The following ROBO2 variants were observed in gnomAD, a reference collection of about 807,000 sequenced individuals.
The protein encoded by ROBO2 is roundabout homolog 2.
Under a neutral mutation model 160.8 loss-of-function variants are expected in ROBO2, and 53 were observed. The observed-to-expected ratio is 0.33, with a 90% CI of 0.26 to 0.41. The LOEUF (loss-of-function observed/expected upper bound fraction) is 0.41, where lower values mean the gene tolerates loss of function less well. Among genes scored for constraint, ROBO2 ranks in the 10% least tolerant of loss-of-function variants. The pLI, the probability that ROBO2 is intolerant of heterozygous loss-of-function variation, is 1.00. For missense variants in ROBO2, 1,577 were observed against 1,722.4 expected (o/e 0.92, Z 1.49); for synonymous variants, 664 against 611.7 (o/e 1.09, Z -1.26).
At chr3:76,954,014 T>C (rs1248451999) in intron 2 of ROBO2, among the ~76,000 whole-genome samples, 1 of 152,230 alleles carries the variant, frequency 6.6e-6, no homozygotes, top group East Asian at 1.9e-4. Context: ...TGCAGTTACA[T>C]GTGCTGAGTG....
intron 2 of ROBO2, among the ~76,000 whole-genome samples, chr3:76,798,122 G>GAAGA (rs757714332): frequency 1.2e-4 from 10 of 85,112 alleles, no homozygotes; most frequent in African/African-American, 3.8e-4. Context: ...AGAAGAGAAA[G>GAAGA]AAGAAAGAAA....
rs1045414112 is a variant in ROBO2 at position 77,272,416 on chromosome 3, C to T, written c.388+174076C>T. 7.3e-4 allele frequency among the ~76,000 whole-genome samples: 110 copies of T among 151,460 alleles called. 1 individual carries two copies. Among genetic ancestry groups the T allele is most frequent in the Admixed American group, 6.9e-3 (104 of 15,164 alleles). ...GGCAGGAGCAGGAGGAAGAGAAGGGCGGGGGGGAGGTGTCACACCCTTTTA... is the reference window on the plus strand; with the variant it reads ...GGCAGGAGCAGGAGGAAGAGAAGGGTGGGGGGGAGGTGTCACACCCTTTTA... On this transcript the variant is annotated intron_variant, in intron 2 of 25. Transcript: ENST00000461745.
At chr3:76,511,608 A>C (rs2081094279) in intron 2 of ROBO2, among the ~76,000 whole-genome samples, 1 of 152,218 alleles carries the variant, frequency 6.6e-6, no homozygotes, top group African/African-American at 2.4e-5. Flanking sequence ...TGAGTGTGGG[A>C]GGTTTTCAAA....
At chr3:76,289,879 T>C (rs1708718642) in intron 2 of ROBO2, among the ~76,000 whole-genome samples, 1 of 152,174 alleles carries the variant, frequency 6.6e-6, no homozygotes, top group South Asian at 2.1e-4. Flanking sequence ...TACTATGCTG[T>C]TTTGGTTACT....
intron 2 of ROBO2, among the ~76,000 whole-genome samples, chr3:76,811,391 A>G (rs1039652556): frequency 3.3e-5 from 5 of 152,190 alleles, no homozygotes; most frequent in Admixed American, 3.3e-4. Context: ...ATACCTTAAA[A>G]GGATGAAATT....
chr3:76,312,764 T>C (rs2071688978), intron 2 of ROBO2, among the ~76,000 whole-genome samples: 1 of 152,204 alleles, frequency 6.6e-6, no homozygotes, highest in Non-Finnish European at 1.5e-5. Context: ...CTATAGCATG[T>C]CAAAGTTTAA....
intron 2 of ROBO2, among the ~76,000 whole-genome samples, chr3:76,471,228 C>G (rs987200514): frequency 2.0e-5 from 3 of 152,102 alleles, no homozygotes; most frequent in Non-Finnish European, 4.4e-5. Context: ...TGGCAGGTAA[C>G]AGGGCAAGAA....
intron 2 of ROBO2, among the ~76,000 whole-genome samples, chr3:76,678,130 C>A (rs1374296142): frequency 3.3e-5 from 5 of 151,472 alleles, no homozygotes; most frequent in African/African-American, 1.2e-4. Flanking sequence ...ACCACCACGC[C>A]CGGCTAATTT....
chr3:76,077,106 G>A (rs1297612467), intron 2 of ROBO2, among the ~76,000 whole-genome samples: 6 of 151,980 alleles, frequency 3.9e-5, no homozygotes, highest in Non-Finnish European at 7.4e-5. Context: ...ATTTTCACTC[G>A]TACACAATAA....
exon 7 of ROBO2, chr3:77,546,371 A>G: frequency 6.2e-7 from 1 of 1,613,300 alleles, no homozygotes; most frequent in Non-Finnish European, 8.5e-7. Flanking sequence ...CCAAGAGATC[A>G]GATTGTTGCT....
intron 2 of ROBO2, among the ~76,000 whole-genome samples, chr3:76,088,569 G>A (rs1044752317): frequency 1.3e-5 from 2 of 151,964 alleles, no homozygotes; most frequent in Non-Finnish European, 2.9e-5. Context: ...AAGATAGCTG[G>A]AAAAATCCCA....
intron 2 of ROBO2, among the ~76,000 whole-genome samples, chr3:76,484,023 C>T (rs1371822718): frequency 2.6e-5 from 4 of 152,078 alleles, no homozygotes; most frequent in East Asian, 3.9e-4. Flanking sequence ...TGGCAAAGAA[C>T]GTACACATGC....
chr3:77,190,978 C>T (rs2081786781), intron 2 of ROBO2, among the ~76,000 whole-genome samples: 1 of 151,970 alleles, frequency 6.6e-6, no homozygotes, highest in Non-Finnish European at 1.5e-5. Context: ...TAAATAGGTG[C>T]TCCTGGAAAT....
At chr3:77,543,276 T>A (rs2092558422) in intron 6 of ROBO2, among the ~76,000 whole-genome samples, 2 of 152,234 alleles carry the variant, frequency 1.3e-5, no homozygotes, top group Admixed American at 6.5e-5. Flanking sequence ...TGTATTTATT[T>A]ATATATTTAC....
At chr3:76,939,087 G>T (rs753495533) in intron 2 of ROBO2, among the ~76,000 whole-genome samples, 3 of 151,870 alleles carry the variant, frequency 2.0e-5, no homozygotes, top group Non-Finnish European at 4.4e-5. Context: ...GGCAGAAAAT[G>T]GAAAGATAAT....
intron 17 of ROBO2, among the ~76,000 whole-genome samples, chr3:77,594,879 T>C (rs1007139905): frequency 6.6e-6 from 1 of 152,192 alleles, no homozygotes; most frequent in Non-Finnish European, 1.5e-5. Flanking sequence ...AGGTTTGACA[T>C]TTAAATACAA....
chr3:77,481,470 A>G (rs1245086585), intron 4 of ROBO2, among the ~76,000 whole-genome samples: 1 of 152,184 alleles, frequency 6.6e-6, no homozygotes, highest in African/African-American at 2.4e-5. Flanking sequence ...TCAAAATGTA[A>G]CGTTCTTTCT....
intron 2 of ROBO2, among the ~76,000 whole-genome samples, chr3:76,185,215 T>TATATAGATATAGATATATATATATAC: frequency 7.8e-5 from 7 of 90,314 alleles, no homozygotes; most frequent in Non-Finnish European, 1.6e-4. Context: ...TATATATATA[T>TATATAGATATAGATATATATATATAC]ACACACACAA....
At chr3:76,219,764 T>C (rs187880639) in intron 2 of ROBO2, among the ~76,000 whole-genome samples, 1 of 152,220 alleles carries the variant, frequency 6.6e-6, no homozygotes, top group Non-Finnish European at 1.5e-5. Context: ...TGGAAGTCAG[T>C]GTGGCAATTC....
Sources: gnomAD v4.1 joint callset for allele counts (sites outside exome capture counted in the v4.1 genomes callset) on GRCh38, gnomAD v4.1.1 for gene constraint, MANE v1.5 for transcripts, NCBI Gene and HGNC (gene_info 2026-07-23, HGNC 2026-07-21) for gene names.